The following SNX8 variants were observed in gnomAD, a reference collection of about 807,000 sequenced individuals.
SNX8 encodes sorting nexin-8.
A neutral mutation model predicts 51.6 loss-of-function variants in SNX8; 25 were observed. The observed-to-expected ratio is 0.48, with a 90% CI of 0.35 to 0.68. The LOEUF (loss-of-function observed/expected upper bound fraction) is 0.68. Among genes scored for constraint, SNX8 ranks in the 30% least tolerant of loss-of-function variants. SNX8 has a pLI of 0.00. For missense variants in SNX8, 695 were observed against 624.0 expected (o/e 1.11, Z -1.21); for synonymous variants, 324 against 277.0 (o/e 1.17, Z -1.68).
At chr7:2,325,389 T>G (rs1442077234) in intron 1 of SNX8, among the ~76,000 whole-genome samples, 1 of 152,160 alleles carries the variant, frequency 6.6e-6, no homozygotes, top group Non-Finnish European at 1.5e-5. Context: ...AGTTAAAAAC[T>G]CTGCTAGTGA....
At chr7:2,274,797 G>A (rs747427800) in intron 3 of SNX8, among the ~76,000 whole-genome samples, 23 of 152,184 alleles carry the variant, frequency 1.5e-4, no homozygotes, top group Non-Finnish European at 2.4e-4. Context: ...GGGAGCTCTC[G>A]GGAGCCCTGG....
At position 2,314,341 on chromosome 7, in the gene SNX8, A is replaced by T. The variant is rs1796717938; in HGVS notation, c.81T>A (p.Asp27Glu). 1 of 1,223,232 alleles carries T rather than the reference A, an allele frequency of 8.2e-7. No homozygotes were observed. The highest frequency in any genetic ancestry group is 4.3e-5 in the Admixed American group (1 of 23,320). 75.8% of individuals were successfully genotyped at this position (1,223,232 alleles called of 1,614,324 possible). Reference sequence around the variant, plus strand: ...CCCACGCCCTACCTGACGCCGGGGGATCCGCCTCCTCGTCAGCCTCCGCCT... The same window carrying T: ...CCCACGCCCTACCTGACGCCGGGGGTTCCGCCTCCTCGTCAGCCTCCGCCT... ...AAEAEADEEA[D>E]PPASDLPTPQ... Residue 27 changes from aspartate (D) to glutamate (E), a missense_variant, in exon 1 of 11, where the codon GAT becomes GAA. Coordinates refer to ENST00000222990, the MANE Select transcript of SNX8 (RefSeq NM_013321.4).
At chr7:2,315,740 A>C (rs1796743514), upstream of SNX8, among the ~76,000 whole-genome samples, 1 of 148,980 alleles carries the variant, frequency 6.7e-6, no homozygotes, top group Non-Finnish European at 1.5e-5. Context: ...TCATTCATTC[A>C]CCCACTCACT....
chr7:2,257,640 A>G, intron 8 of SNX8, 95 bp downstream of exon 8: 1 of 1,563,102 alleles, frequency 6.4e-7, no homozygotes, highest in Admixed American at 1.7e-5. Context: ...CTGGCTTCTC[A>G]GCTCCTCTTC....
intron 3 of SNX8, among the ~76,000 whole-genome samples, chr7:2,272,656 G>A (rs980495565): frequency 2.0e-5 from 3 of 151,646 alleles, no homozygotes; most frequent in Non-Finnish European, 2.9e-5. Context: ...TATTACAGGC[G>A]TAAGCCACCG....
intron 1 of SNX8, among the ~76,000 whole-genome samples, chr7:2,301,422 GAGCC>G (rs1796390754): frequency 6.6e-6 from 1 of 152,194 alleles, no homozygotes; most frequent in South Asian, 2.1e-4. Context: ...ATTCAAGGCT[GAGCC>G]GATGGTGTTA....
intron 1 of SNX8, among the ~76,000 whole-genome samples, chr7:2,330,714 C>G (rs191056668): frequency 3.9e-5 from 6 of 152,036 alleles, no homozygotes; most frequent in African/African-American, 1.4e-4. Context: ...GCTGCTTGAT[C>G]TGTGGGAAAC....
intron 1 of SNX8, among the ~76,000 whole-genome samples, chr7:2,312,670 T>C (rs375625570): frequency 6.6e-6 from 1 of 152,068 alleles, no homozygotes; most frequent in East Asian, 1.9e-4. Context: ...AGAAACTGTC[T>C]ACCAACCCTC....
intron 1 of SNX8, among the ~76,000 whole-genome samples, chr7:2,321,086 G>A (rs1004791422): frequency 4.6e-5 from 7 of 152,200 alleles, no homozygotes; most frequent in African/African-American, 1.4e-4. Flanking sequence ...GGGAGGCACT[G>A]CAGGGACAGC....
At position 2,271,875 on chromosome 7, in the gene SNX8, T is replaced by A; in HGVS notation, c.515A>T (p.Lys172Met). 1 of 1,612,586 alleles carries A rather than the reference T, an allele frequency of 6.2e-7. No homozygotes were observed. The highest frequency in any genetic ancestry group is 8.5e-7 in the Non-Finnish European group (1 of 1,179,442). The change falls in exon 4 of 11, where the codon AAG becomes ATG. Residue 172 changes from lysine (K) to methionine (M), a missense_variant. Lys to Met is a moderately conservative substitution (Grantham distance 95, BLOSUM62 -1). Transcript: ENST00000222990. ...CGAGCCGCTGAAGGACAGGAAGAGC[T>A]TGAGGACCACATCCTCGGAGAACAG... ...HPLFSEDVVL[K>M]LFLSFSGSDV...
chr7:2,289,019 G>A (rs1369965220), intron 1 of SNX8, among the ~76,000 whole-genome samples: 1 of 152,208 alleles, frequency 6.6e-6, no homozygotes, highest in Non-Finnish European at 1.5e-5. Context: ...TTACAGGTGT[G>A]AGCCTCTGCA....
chr7:2,294,960 G>C (rs1225927850), intron 1 of SNX8, among the ~76,000 whole-genome samples: 2 of 152,146 alleles, frequency 1.3e-5, no homozygotes, highest in Admixed American at 6.6e-5. Flanking sequence ...AGCCCCAGGA[G>C]TTCAAGGCTA....
upstream of SNX8, among the ~76,000 whole-genome samples, chr7:2,316,843 A>G (rs1224707302): frequency 6.6e-6 from 1 of 152,152 alleles, no homozygotes; most frequent in African/African-American, 2.4e-5. Flanking sequence ...CCACTGGCCC[A>G]CTCAGGTTTG....
chr7:2,311,736 G>C (rs1015190891), intron 1 of SNX8, among the ~76,000 whole-genome samples: 5 of 152,120 alleles, frequency 3.3e-5, no homozygotes, highest in Admixed American at 6.6e-5. Flanking sequence ...AGGAGATCGA[G>C]ACCATCCTGG....
At chr7:2,257,251 C>CT (rs1795209615) in intron 9 of SNX8, 114 bp downstream of exon 9, 2 of 1,321,708 alleles carry the variant, frequency 1.5e-6, no homozygotes, top group African/African-American at 2.9e-5. Flanking sequence ...ACCCCCAGCT[C>CT]TGTTCCAGAC....
intron 1 of SNX8, among the ~76,000 whole-genome samples, chr7:2,296,577 GC>G (rs1487720590): frequency 2.0e-5 from 3 of 151,814 alleles, no homozygotes. Context: ...TATTTCTCTT[GC>G]CTGATTGCTA....
chr7:2,335,427 T>C (rs770205730), intron 1 of SNX8, among the ~76,000 whole-genome samples: 1 of 151,766 alleles, frequency 6.6e-6, no homozygotes, highest in Non-Finnish European at 1.5e-5. Flanking sequence ...GGCGAGAACA[T>C]TGCTTGAGGC....
intron 1 of SNX8, among the ~76,000 whole-genome samples, chr7:2,327,196 TCTC>T (rs1472675369): frequency 6.6e-6 from 1 of 152,066 alleles, no homozygotes; most frequent in African/African-American, 2.4e-5. Flanking sequence ...ACAGCTGCCT[TCTC>T]CTTGTATGTC....
rs1025642710 is a variant in SNX8, at chr7:2,267,402, C to G, written c.621+2157G>C. 4.6e-3 allele frequency among the ~76,000 whole-genome samples: 618 copies of G among 134,432 alleles called. 7 individuals carry two copies. Among genetic ancestry groups the G allele is most frequent in the African/African-American group, 0.016 (602 of 37,894 alleles). 88.2% of individuals were successfully genotyped at this position (134,432 alleles called of 152,430 possible). A position where few individuals can be genotyped will look rare whatever the true frequency, so the allele number is the denominator to read the frequency against. ...AAGCTGGACTGTACTGCTGCCATCT[C>G]GGCTCACTGCAACCTCCCTGCCTGA... On this transcript the variant is annotated intron_variant, in intron 5 of 10. Transcript: ENST00000222990.
Sources: gnomAD v4.1 joint callset for allele counts (sites outside exome capture counted in the v4.1 genomes callset) on GRCh38, gnomAD v4.1.1 for gene constraint, MANE v1.5 for transcripts, NCBI Gene and HGNC (gene_info 2026-07-23, HGNC 2026-07-21) for gene names.